The following POLN variants were observed in gnomAD, a reference collection of about 807,000 sequenced individuals.
The protein encoded by POLN is DNA polymerase N.
POLN carries 108 observed loss-of-function variants against 113.5 expected under a neutral mutation model. That is an observed-to-expected ratio of 0.95 (90% CI 0.81 to 1.12). The LOEUF is 1.12. Among genes scored for constraint, POLN ranks in the 50% most tolerant of loss-of-function variants. POLN has a pLI of 0.00. For missense variants in POLN, 1,097 were observed against 1,077.1 expected (o/e 1.02, Z -0.26); for synonymous variants, 386 against 391.5 (o/e 0.99, Z 0.17).
intron 2 of POLN, chr4:2,236,499 C>T: frequency 1.5e-6 from 2 of 1,376,000 alleles, no homozygotes; most frequent in Non-Finnish European, 2.1e-6. Flanking sequence ...ATTATCAAGT[C>T]AGTATCATTT....
intron 13 of POLN, among the ~76,000 whole-genome samples, chr4:2,162,397 G>A (rs545435525): frequency 6.6e-5 from 10 of 151,470 alleles, no homozygotes; most frequent in East Asian, 1.9e-4. Context: ...AAACACATCC[G>A]AACATCAGAA....
rs1561016776 is a variant in POLN at position 2,127,459 on chromosome 4, C to T, written c.1982+654G>A. ...AAGTGGGTATAGCTGTTGTCTGCAC[C>T]GGGCTCTCCAAGAGCACCTTGACTT... On this transcript the variant is annotated intron_variant, in intron 19 of 25. Transcript: ENST00000511885. This position sits in a 1 kb window ranked among gnomAD's most constrained non-coding sequence, Gnocchi z 4.7. Among the ~76,000 whole-genome samples, 2 of 152,070 alleles carry T rather than the reference C, an allele frequency of 1.3e-5. No homozygotes were observed. Among genetic ancestry groups the T allele is most frequent in the East Asian group, 1.9e-4 (1 of 5,180 alleles).
chr4:2,172,323 CCAGTG>C (rs1732882369), intron 11 of POLN, among the ~76,000 whole-genome samples: 1 of 152,208 alleles, frequency 6.6e-6, no homozygotes, highest in African/African-American at 2.4e-5. Context: ...CTAGATTTTG[CCAGTG>C]CTGCACCTTC....
At chr4:2,137,412 G>T (rs1433537912) in intron 16 of POLN, among the ~76,000 whole-genome samples, 2 of 152,122 alleles carry the variant, frequency 1.3e-5, no homozygotes, top group African/African-American at 4.8e-5. Context: ...ACAGAAAAGG[G>T]CAGCTGGCAC....
intron 8 of POLN, among the ~76,000 whole-genome samples, chr4:2,177,884 T>C (rs1204507099): frequency 3.9e-5 from 6 of 152,200 alleles, no homozygotes; most frequent in African/African-American, 1.2e-4. Flanking sequence ...AGAGAAAAAG[T>C]CATGGCTCAG....
intron 16 of POLN, among the ~76,000 whole-genome samples, chr4:2,149,926 A>G (rs1244795327): frequency 1.3e-5 from 2 of 151,940 alleles, no homozygotes; most frequent in Non-Finnish European, 2.9e-5. Flanking sequence ...TACTAAAAAT[A>G]CCAAAAATTA....
At chr4:2,241,437 G>A in intron 2 of POLN, 83 bp downstream of exon 2, 2 of 929,590 alleles carry the variant, frequency 2.2e-6, no homozygotes, top group Non-Finnish European at 2.6e-6. Flanking sequence ...CAGGAGGCTA[G>A]GCAGCCTCTC....
chr4:2,101,369 C>T (rs1923775), intron 19 of POLN, among the ~76,000 whole-genome samples: 89,798 of 152,092 alleles, frequency 0.59, 30,232 homozygotes, highest in Non-Finnish European at 0.73. Context: ...TTATCCAAGA[C>T]AGAACACAGC....
In POLN at chr4:2,131,213, G is replaced by C. The variant is rs748876319; in HGVS notation, c.1789+20C>G. ...AGAGAGTTACCAGAGACTTTAGCAA[G>C]GTAGTAAGAAATGAGTTACCTTTAA... On this transcript the variant is annotated intron_variant, in intron 17 of 25. Transcript: ENST00000511885. 6.5e-7 allele frequency: 1 copy of C among 1,539,368 alleles called. No individual in the cohort carries two copies. Among genetic ancestry groups the C allele is most frequent in the Admixed American group, 1.7e-5 (1 of 58,616 alleles).
In POLN at chr4:2,198,559, C is replaced by G; in HGVS notation, c.873G>C (p.Trp291Cys). ...GTTGATGTGCCTCCTGTTCTTGGTC[C>G]CAGATAGCAGAGTGCTCTATTTGAA... The part of the protein sequence containing the change: ...IYIQIEHSAI[W>C]DQEQEAHQQF... Residue 291 changes from tryptophan (W) to cysteine (C), a missense_variant, in exon 6 of 26, where the codon TGG becomes TGC. Coordinates refer to ENST00000511885, the MANE Select transcript of POLN (RefSeq NM_181808.4). 6.2e-7 allele frequency: 1 copy of G among 1,612,144 alleles called. No individual in the cohort carries two copies. The highest frequency in any genetic ancestry group is 1.7e-5 in the Admixed American group (1 of 59,748).
chr4:2,215,637 T>C (rs1466246843), intron 3 of POLN, among the ~76,000 whole-genome samples: 12 of 152,094 alleles, frequency 7.9e-5, no homozygotes, highest in Admixed American at 7.9e-4. Context: ...GGAGGGGCTG[T>C]CCCAGGAGCA....
intron 13 of POLN, among the ~76,000 whole-genome samples, chr4:2,160,286 T>C (rs1382153476): frequency 6.6e-6 from 1 of 152,256 alleles, no homozygotes; most frequent in Non-Finnish European, 1.5e-5. Context: ...TTTTGCTTAG[T>C]TAAAAAATTG....
At chr4:2,188,746 C>T (rs536207707) in intron 7 of POLN, among the ~76,000 whole-genome samples, 1 of 135,274 alleles carries the variant, frequency 7.4e-6, no homozygotes, top group South Asian at 2.2e-4. Context: ...TTGTGGTATG[C>T]AATCCACCAT....
chr4:2,133,041 C>G (rs1196112884), intron 16 of POLN, among the ~76,000 whole-genome samples: 7 of 151,806 alleles, frequency 4.6e-5, no homozygotes, highest in Non-Finnish European at 8.8e-5. Flanking sequence ...CACAGTGGAT[C>G]CCACCTGTAA....
At chr4:2,222,931 G>A (rs776676919) in intron 3 of POLN, among the ~76,000 whole-genome samples, 2 of 152,032 alleles carry the variant, frequency 1.3e-5, no homozygotes, top group South Asian at 2.1e-4. Context: ...GCTTACCTGC[G>A]GGAGACCAAA....
chr4:2,080,189 A>T (rs1317372945), intron 23 of POLN: 3 of 986,604 alleles, frequency 3.0e-6, no homozygotes, highest in Admixed American at 1.2e-4. Flanking sequence ...CGAGGAGAGG[A>T]GGTGTCTGGG....
chr4:2,238,879 C>T, intron 2 of POLN: 1 of 1,613,112 alleles, frequency 6.2e-7, no homozygotes, highest in East Asian at 2.2e-5. Flanking sequence ...TAGCAATCTG[C>T]AGATCAAAAT....
intron 3 of POLN, among the ~76,000 whole-genome samples, chr4:2,225,839 CA>C (rs1019273799): frequency 3.3e-5 from 5 of 151,546 alleles, no homozygotes; most frequent in East Asian, 1.9e-4. Flanking sequence ...CGTCTCCACA[CA>C]AAAATAAAAA....
chr4:2,094,097 A>G (rs1238787428), intron 20 of POLN, among the ~76,000 whole-genome samples: 1 of 152,186 alleles, frequency 6.6e-6, no homozygotes, highest in Non-Finnish European at 1.5e-5. Context: ...CTGTAATCCC[A>G]GCACTTTGGG....
Sources: gnomAD v4.1 joint callset for allele counts (sites outside exome capture counted in the v4.1 genomes callset) on GRCh38, gnomAD v4.1.1 for gene constraint, Gnocchi (gnomAD v3.1) non-coding constraint, MANE v1.5 for transcripts, NCBI Gene and HGNC (gene_info 2026-07-23, HGNC 2026-07-21) for gene names.